IPO11: variants seen among roughly 807,000 people sequenced by gnomAD.
IPO11 encodes the protein importin 11.
A neutral mutation model predicts 143.2 loss-of-function variants in IPO11; 66 were observed. That is an observed-to-expected ratio of 0.46 (90% CI 0.38 to 0.57). The LOEUF (loss-of-function observed/expected upper bound fraction) is 0.57, where lower values mean the gene tolerates loss of function less well. Among genes scored for constraint, IPO11 ranks in the 20% least tolerant of loss-of-function variants. The probability of loss-of-function intolerance (pLI) is 0.00; values close to 1 mark genes in which losing one functional copy is unlikely to be tolerated. For synonymous variants in IPO11, 385 were observed against 377.8 expected, an observed-to-expected ratio of 1.02 and a Z score of -0.22; for missense variants, 1,026 against 1,141.0, an observed-to-expected ratio of 0.90 and a Z score of 1.45.
intron 17 of IPO11, 41 bp downstream of exon 17, chr5:62,504,741 C>A: frequency 7.2e-7 from 1 of 1,388,076 alleles, no homozygotes; most frequent in East Asian, 2.5e-5. Flanking sequence ...TTGCAAAGAA[C>A]TTTAACACTT....
intron 24 of IPO11, among the ~76,000 whole-genome samples, chr5:62,549,977 C>T (rs2112347191): frequency 6.6e-6 from 1 of 152,210 alleles, no homozygotes; most frequent in East Asian, 1.9e-4. Flanking sequence ...TACTAACTTC[C>T]TGTTTAGCTA....
chr5:62,549,501 G>A lies in IPO11; in HGVS notation c.2251-866G>A, dbSNP rs911621995. On this transcript the variant is annotated intron_variant, in intron 24 of 29. Coordinates refer to ENST00000325324, the MANE Select transcript of IPO11 (RefSeq NM_016338.5). ...GTTCTCTTCATACAAAATGTCAGTA[G>A]TCCATCTTGAGAAGCATTAATGGAA... Among the ~76,000 whole-genome samples the A allele has an allele frequency of 2.0e-5, 3 of 152,276 alleles. No individual in the cohort carries two copies. The South Asian group carries it at 6.2e-4, about 32-fold the overall frequency.
At chr5:62,458,126 G>A (rs1403688750) in intron 5 of IPO11, among the ~76,000 whole-genome samples, 1 of 136,902 alleles carries the variant, frequency 7.3e-6, no homozygotes, top group Non-Finnish European at 1.5e-5. Flanking sequence ...CAGCCTGGGC[G>A]ACAGAGCGAG....
intron 9 of IPO11, among the ~76,000 whole-genome samples, chr5:62,477,091 A>T (rs1477539524): frequency 6.6e-6 from 1 of 152,206 alleles, no homozygotes; most frequent in Non-Finnish European, 1.5e-5. Context: ...CTAGAAGTAG[A>T]TCAAATGTAG....
intron 29 of IPO11, among the ~76,000 whole-genome samples, chr5:62,625,853 G>A (rs372352450): frequency 7.9e-5 from 12 of 152,212 alleles, no homozygotes; most frequent in African/African-American, 2.9e-4. Context: ...TATACCAAAT[G>A]GCCACAGAGG....
intron 5 of IPO11, among the ~76,000 whole-genome samples, chr5:62,458,561 G>A (rs1296481710): frequency 1.3e-5 from 2 of 152,084 alleles, no homozygotes; most frequent in Non-Finnish European, 1.5e-5. Context: ...TTGACCTCCC[G>A]AAGTGTTAGG....
At chr5:62,599,737 T>C (rs1745431036) in intron 28 of IPO11, among the ~76,000 whole-genome samples, 1 of 152,234 alleles carries the variant, frequency 6.6e-6, no homozygotes, top group African/African-American at 2.4e-5. Context: ...GTCATTCCTA[T>C]TTTAAACTGT....
intron 28 of IPO11, among the ~76,000 whole-genome samples, chr5:62,593,740 G>A (rs974446403): frequency 3.9e-5 from 6 of 152,096 alleles, no homozygotes; most frequent in Non-Finnish European, 8.8e-5. Context: ...AGAATTGTTT[G>A]GTGATTTCTT....
intron 3 of IPO11, among the ~76,000 whole-genome samples, chr5:62,443,726 T>A (rs1404226429): frequency 6.6e-6 from 1 of 152,090 alleles, no homozygotes; most frequent in African/African-American, 2.4e-5. Flanking sequence ...TTCTCTATGG[T>A]GGGAATGGAG....
chr5:62,441,617 G>A (rs1744481976), intron 2 of IPO11, among the ~76,000 whole-genome samples: 1 of 141,298 alleles, frequency 7.1e-6, no homozygotes, highest in Non-Finnish European at 1.5e-5. Context: ...CTGGGTTCAA[G>A]CAATTCTCCT....
intron 16 of IPO11, among the ~76,000 whole-genome samples, chr5:62,497,762 C>G (rs985544764): frequency 3.3e-4 from 50 of 152,336 alleles, no homozygotes; most frequent in African/African-American, 1.2e-3. Context: ...GCCCCTCGGC[C>G]TGGAAAGAAA....
At chr5:62,587,589 AT>A (rs2112420600) in intron 27 of IPO11, among the ~76,000 whole-genome samples, 1 of 152,308 alleles carries the variant, frequency 6.6e-6, no homozygotes, top group East Asian at 1.9e-4. Context: ...GTTATAATAC[AT>A]TCTTTAAAAA....
chr5:62,490,284 C>G, intron 15 of IPO11, 64 bp downstream of exon 15: 1 of 1,064,808 alleles, frequency 9.4e-7, no homozygotes, highest in Non-Finnish European at 1.3e-6. Context: ...TTAATGAAGA[C>G]AGGAAGGCAT....
At chr5:62,583,871 G>A (rs575673358) in intron 27 of IPO11, among the ~76,000 whole-genome samples, 33 of 152,112 alleles carry the variant, frequency 2.2e-4, no homozygotes, top group African/African-American at 8.0e-4. Flanking sequence ...TAAGATTTCT[G>A]TATTTCTCTA....
chr5:62,612,686 T>A (rs897292950), intron 29 of IPO11, among the ~76,000 whole-genome samples: 16 of 152,242 alleles, frequency 1.1e-4, no homozygotes, highest in African/African-American at 3.1e-4. Context: ...ATTTTTGAAT[T>A]TTCTAATTTC....
intron 27 of IPO11, among the ~76,000 whole-genome samples, chr5:62,585,336 G>T (rs541003562): frequency 6.6e-6 from 1 of 152,114 alleles, no homozygotes; most frequent in Non-Finnish European, 1.5e-5. Flanking sequence ...CCATTGTCTA[G>T]AATCAGGACC....
At chr5:62,559,916 C>CAAAAA (rs759468696) in intron 26 of IPO11, among the ~76,000 whole-genome samples, 10 of 17,042 alleles carry the variant, frequency 5.9e-4, no homozygotes, top group East Asian at 2.4e-3. Flanking sequence ...AACTCTGTCT[C>CAAAAA]AAAAAAAAAA....
intron 20 of IPO11, among the ~76,000 whole-genome samples, chr5:62,523,053 A>G (rs1742255403): frequency 6.6e-6 from 1 of 152,166 alleles, no homozygotes; most frequent in African/African-American, 2.4e-5. Context: ...TGTAGTGTAA[A>G]TCAGGTAGTT....
intron 26 of IPO11, among the ~76,000 whole-genome samples, chr5:62,552,474 T>G (rs1057468125): frequency 9.0e-6 from 1 of 111,320 alleles, no homozygotes; most frequent in Non-Finnish European, 1.9e-5. Flanking sequence ...TATTTTTTAG[T>G]TTTTTTTTTT....
Sources: gnomAD v4.1 joint callset for allele counts (sites outside exome capture counted in the v4.1 genomes callset) on GRCh38, gnomAD v4.1.1 for gene constraint, MANE v1.5 for transcripts, NCBI Gene and HGNC (gene_info 2026-07-23, HGNC 2026-07-21) for gene names.